Variants in ASAP2 observed in about 807,000 individuals in gnomAD.
ASAP2 encodes arf-GAP with SH3 domain, ANK repeat and PH domain-containing protein 2.
ASAP2 carries 45 observed loss-of-function variants against 131.4 expected under a neutral mutation model. The ratio of observed to expected loss-of-function variants is 0.34; its 90% CI spans 0.27 to 0.44. ASAP2 has a LOEUF of 0.44. Ranked by LOEUF, ASAP2 falls within the 20% of genes least tolerant of loss-of-function variation. ASAP2 has a pLI of 1.00. For synonymous variants in ASAP2, 510 were observed against 503.0 expected, an observed-to-expected ratio of 1.01 and a Z score of -0.19; for missense variants, 1,011 against 1,297.0, an observed-to-expected ratio of 0.78 and a Z score of 3.39.
At chr2:9,342,879 C>G (rs1210522597) in intron 9 of ASAP2, among the ~76,000 whole-genome samples, 1 of 152,220 alleles carries the variant, frequency 6.6e-6, no homozygotes. Context: ...TCCACTTTGC[C>G]TTGAAGATCC....
At chr2:9,276,640 C>T (rs1050853317) in intron 1 of ASAP2, among the ~76,000 whole-genome samples, 9 of 151,942 alleles carry the variant, frequency 5.9e-5, no homozygotes, top group Non-Finnish European at 1.0e-4. Flanking sequence ...CAGGTTCAAG[C>T]GATTCTTTTG....
Position 9,367,027 on chromosome 2 carries a change from A to ATTTTTTTTT in ASAP2, c.1462-1388_1462-1380dup, listed in dbSNP as rs1171661319. Among the ~76,000 whole-genome samples, 1,056 of 132,854 alleles carry ATTTTTTTTT rather than the reference A, an allele frequency of 7.9e-3. 41 individuals carry two copies. The highest frequency in any genetic ancestry group is 0.024 in the African/African-American group (760 of 32,270). The allele number at this position is 132,854 out of a possible 152,430, so 87.2% of individuals were successfully genotyped here. On this transcript the variant is annotated intron_variant, in intron 15 of 27. Transcript: ENST00000281419. ...GTTTGTTAACTCCTTTGCCTGCATA[A>ATTTTTTTTT]TTTTTTTTTTTTTTTTTTGTAGAGA...
chr2:9,347,920 C>T (rs566442757), intron 11 of ASAP2, among the ~76,000 whole-genome samples: 10 of 152,218 alleles, frequency 6.6e-5, no homozygotes, highest in Admixed American at 2.6e-4. Flanking sequence ...TAGAACGGCA[C>T]GATTAGAATG....
chr2:9,360,740 A>G (rs1243937318), intron 15 of ASAP2, among the ~76,000 whole-genome samples: 1 of 152,218 alleles, frequency 6.6e-6, no homozygotes, highest in Non-Finnish European at 1.5e-5. Context: ...GGACAATAGT[A>G]AAATGCAGTA....
At chr2:9,328,180 G>A (rs1410852972) in intron 7 of ASAP2, among the ~76,000 whole-genome samples, 1 of 152,172 alleles carries the variant, frequency 6.6e-6, no homozygotes, top group East Asian at 1.9e-4. Flanking sequence ...GTGAGTGATT[G>A]CCGCAGCTTG....
intron 1 of ASAP2, among the ~76,000 whole-genome samples, chr2:9,240,975 C>T (rs1464071678): frequency 6.6e-6 from 1 of 152,218 alleles, no homozygotes. Context: ...GGAGGAGTCA[C>T]GTCCCGCGTG....
chr2:9,333,597 A>G (rs1354484792), intron 7 of ASAP2, among the ~76,000 whole-genome samples: 1 of 152,088 alleles, frequency 6.6e-6, no homozygotes, highest in Non-Finnish European at 1.5e-5. Flanking sequence ...GGGGCAGGAG[A>G]ACTTGGTGGT....
intron 3 of ASAP2, among the ~76,000 whole-genome samples, chr2:9,309,348 A>G (rs1669147729): frequency 6.6e-6 from 1 of 152,242 alleles, no homozygotes; most frequent in African/African-American, 2.4e-5. Flanking sequence ...AGTCATGCGC[A>G]GTCCCAAAAT....
chr2:9,313,267 C>G (rs2148469298), intron 3 of ASAP2, among the ~76,000 whole-genome samples: 1 of 152,300 alleles, frequency 6.6e-6, no homozygotes. Flanking sequence ...CATAGTTGAT[C>G]TCTTCTCACC....
At chr2:9,375,904 C>T (rs1276291675) in intron 17 of ASAP2, among the ~76,000 whole-genome samples, 3 of 152,252 alleles carry the variant, frequency 2.0e-5, no homozygotes, top group Non-Finnish European at 4.4e-5. Flanking sequence ...AAGACCCCTC[C>T]TTTCCTGGGG....
intron 3 of ASAP2, among the ~76,000 whole-genome samples, chr2:9,297,951 G>A (rs548326475): frequency 6.6e-5 from 10 of 150,572 alleles, no homozygotes; most frequent in East Asian, 3.9e-4. Flanking sequence ...GTTTTCAGCC[G>A]TGGGAATGCG....
At chr2:9,279,139 A>G (rs764080613) in intron 1 of ASAP2, among the ~76,000 whole-genome samples, 178 bp from the exon 2 acceptor site, 1 of 152,196 alleles carries the variant, frequency 6.6e-6, no homozygotes, top group Non-Finnish European at 1.5e-5. Flanking sequence ...TCCACACCAC[A>G]CTGAGGGCTT....
intron 1 of ASAP2, among the ~76,000 whole-genome samples, chr2:9,275,080 C>CTTTTT (rs1666663994): frequency 1.1e-5 from 1 of 94,854 alleles, no homozygotes. Context: ...TTTCATTTGT[C>CTTTTT]TGTTTTTTTT....
chr2:9,286,447 A>AATATATATATATATATATATAT (rs1553304561), intron 2 of ASAP2, among the ~76,000 whole-genome samples: 5 of 148,418 alleles, frequency 3.4e-5, no homozygotes, highest in African/African-American at 1.3e-4. Context: ...GAAAAAAAAA[A>AATATATATATATATATATATAT]ATATATATAT....
intron 27 of ASAP2, 66 bp downstream of exon 27, chr2:9,401,462 G>A: frequency 6.3e-7 from 1 of 1,575,662 alleles, no homozygotes; most frequent in Non-Finnish European, 8.6e-7. Context: ...CCTGGCTGGA[G>A]AGACGGGCTT....
intron 1 of ASAP2, among the ~76,000 whole-genome samples, chr2:9,266,204 T>A (rs1665937030): frequency 1.3e-5 from 2 of 149,330 alleles, no homozygotes; most frequent in South Asian, 4.2e-4. Flanking sequence ...TAGAGTTCAG[T>A]GGCACAGTCA....
At position 9,389,160 on chromosome 2, in the gene ASAP2, T is replaced by C. The variant is rs948491330; in HGVS notation, c.2383+614T>C. ...TTTTTAGAAATACGCAAACCAAAGC[T>C]CTCAGAAGTTAAGTAATTTGTTCAT... On this transcript the variant is annotated intron_variant, in intron 22 of 27. Coordinates refer to ENST00000281419, the MANE Select transcript of ASAP2 (RefSeq NM_003887.3). The surrounding 1 kb of genome is among the most constrained non-coding windows in gnomAD (Gnocchi z 4.7). 1.3e-5 allele frequency among the ~76,000 whole-genome samples: 2 copies of C among 152,160 alleles called. No homozygotes were observed. Among genetic ancestry groups the C allele is most frequent in the Admixed American group, 1.3e-4 (2 of 15,282 alleles).
chr2:9,362,608 G>A (rs1673180618), intron 15 of ASAP2, among the ~76,000 whole-genome samples: 1 of 152,132 alleles, frequency 6.6e-6, no homozygotes, highest in Admixed American at 6.5e-5. Flanking sequence ...GGAGGCTGAG[G>A]TGAGAAGATT....
At chr2:9,387,623 C>A (rs1675381921) in intron 21 of ASAP2, among the ~76,000 whole-genome samples, 1 of 152,174 alleles carries the variant, frequency 6.6e-6, no homozygotes, top group Admixed American at 6.6e-5. Flanking sequence ...AGGGGAACTT[C>A]AGGGAAAATG....
Sources: allele counts gnomAD v4.1 joint callset (sites outside exome capture counted in the v4.1 genomes callset), GRCh38; gene constraint gnomAD v4.1.1; non-coding constraint Gnocchi (gnomAD v3.1); transcripts MANE v1.5; gene names NCBI Gene and HGNC (gene_info 2026-07-23, HGNC 2026-07-21).